HHIPL1: variants seen among roughly 807,000 people sequenced by gnomAD.
The protein encoded by HHIPL1 is HHIP like 1.
In HHIPL1, 43 loss-of-function variants were observed where a neutral mutation model predicts 61.8. The observed-to-expected ratio is 0.70, with a 90% CI of 0.55 to 0.90. The LOEUF is 0.90. Among genes scored for constraint, HHIPL1 ranks in the 40% least tolerant of loss-of-function variants. The pLI, the probability that HHIPL1 is intolerant of heterozygous loss-of-function variation, is 0.00. For missense variants in HHIPL1, 1,056 were observed against 1,157.7 expected (o/e 0.91, Z 1.28); for synonymous variants, 482 against 515.8 (o/e 0.93, Z 0.89).
Position 99,662,924 on chromosome 14 carries a change from C to T in HHIPL1, c.1551C>T (p.Tyr517=). The change falls in exon 6 of 9, where the codon TAC becomes TAT. Residue 517 remains tyrosine, a synonymous_variant. Transcript: ENST00000330710. The part of the protein sequence containing the change: ...QENPGTGQWQ[Y]SEICMGHGQT... ...ACCCAGGGACAGGCCAGTGGCAGTA[C>T]AGTGAGATCTGCATGGGCCACGGCC... 1 of 1,613,738 alleles carries T rather than the reference C, an allele frequency of 6.2e-7. No homozygotes were observed. Among genetic ancestry groups the T allele is most frequent in the Non-Finnish European group, 8.5e-7 (1 of 1,179,858 alleles).
rs535868126 is a variant in HHIPL1, at chr14:99,680,281, C to G, written c.*4655C>G. On this transcript the variant is annotated 3_prime_UTR_variant, in exon 9 of 9. Transcript: ENST00000330710. The stretch of plus-strand genomic sequence containing the variant: ...CCCAACAATTCCTGCTGGGAAACCA[C>G]TCCTCGTATGGTGTCATCTACACCA... 1 of 152,064 alleles carries G rather than the reference C, an allele frequency of 6.6e-6. No homozygotes were observed. Among genetic ancestry groups the G allele is most frequent in the East Asian group, 1.9e-4 (1 of 5,164 alleles). 9.4% of individuals were successfully genotyped at this position (152,064 alleles called of 1,614,324 possible).
At chr14:99,672,442 C>G in intron 8 of HHIPL1, 43 bp downstream of exon 8, 2 of 1,497,862 alleles carry the variant, frequency 1.3e-6, no homozygotes. Context: ...GGGGAGAGAT[C>G]CCGCAGCCCA....
Position 99,652,281 on chromosome 14 carries a change from C to T in HHIPL1, c.313C>T (p.Arg105Cys), listed in dbSNP as rs200203805. 3.2e-5 allele frequency: 52 copies of T among 1,613,788 alleles called. No homozygotes were observed. Among genetic ancestry groups the T allele is most frequent in the Non-Finnish European group, 4.0e-5 (47 of 1,180,002 alleles). The change falls in exon 2 of 9, where the codon CGC (arginine) becomes TGC (cysteine). Residue 105 changes from arginine to cysteine, a missense_variant. Transcript: ENST00000330710. ...YDAEDPFTPL[R>C]TVPGLCQDYC... is the part of the protein sequence containing the mutation. ...CGCCGAGGACCCATTCACGCCCCTG[C>T]GCACGGTGCCCGGGCTCTGCCAGGA...
the HHIPL1 span, among the ~76,000 whole-genome samples, chr14:99,639,810 C>A: frequency 7.7e-4 from 117 of 151,930 alleles, no homozygotes; most frequent in Non-Finnish European, 8.1e-4. Context: ...TACAGGCACG[C>A]GCTACCACGC....
the HHIPL1 span, among the ~76,000 whole-genome samples, chr14:99,608,718 A>G: frequency 3.3e-5 from 5 of 152,230 alleles, no homozygotes; most frequent in Non-Finnish European, 5.9e-5. Context: ...GGCACTTTCT[A>G]GGTACCCAGC....
At chr14:99,617,002 C>T in the HHIPL1 span, among the ~76,000 whole-genome samples, 1 of 152,116 alleles carries the variant, frequency 6.6e-6, no homozygotes, top group Non-Finnish European at 1.5e-5. Flanking sequence ...TGCGATCACC[C>T]AGGAAGGAGG....
chr14:99,663,092 C>G (rs1566814086), intron 6 of HHIPL1, 71 bp downstream of exon 6: 11 of 1,438,472 alleles, frequency 7.6e-6, no homozygotes, highest in Non-Finnish European at 1.0e-5. Context: ...TGTGGTCCTT[C>G]TGGTCTCTGA....
chr14:99,638,848 C>G, the HHIPL1 span, among the ~76,000 whole-genome samples: 1 of 152,206 alleles, frequency 6.6e-6, no homozygotes, highest in Non-Finnish European at 1.5e-5. Context: ...CTAGCTTTGT[C>G]TTTGTTGCCC....
intron 1 of HHIPL1, among the ~76,000 whole-genome samples, chr14:99,651,440 C>T (rs754347028): frequency 3.9e-5 from 6 of 152,106 alleles, no homozygotes; most frequent in Non-Finnish European, 8.8e-5. Flanking sequence ...TGTCTCATGA[C>T]GACAGCAGCA....
chr14:99,618,479 A>G, the HHIPL1 span, among the ~76,000 whole-genome samples: 1 of 148,118 alleles, frequency 6.8e-6, no homozygotes. Flanking sequence ...TCTTCGCCTC[A>G]TGGTTGCCAG....
At chr14:99,634,094 C>G in the HHIPL1 span, among the ~76,000 whole-genome samples, 1 of 152,224 alleles carries the variant, frequency 6.6e-6, no homozygotes, top group African/African-American at 2.4e-5. Flanking sequence ...CGCGAGCACT[C>G]ACAGTTGGCA....
At chr14:99,627,508 G>T in the HHIPL1 span, among the ~76,000 whole-genome samples, 1 of 152,210 alleles carries the variant, frequency 6.6e-6, no homozygotes, top group African/African-American at 2.4e-5. This position sits in a 1 kb window ranked among gnomAD's most constrained non-coding sequence, Gnocchi z 4.4. Flanking sequence ...GCCACATTCT[G>T]TGCCAGGTGC....
chr14:99,631,880 C>T, the HHIPL1 span, among the ~76,000 whole-genome samples: 21 of 152,338 alleles, frequency 1.4e-4, no homozygotes, highest in Admixed American at 1.2e-3. Context: ...CCAAAGTGCC[C>T]TGGAGCCCCT....
At chr14:99,643,459 C>T (rs2055779315), upstream of HHIPL1, among the ~76,000 whole-genome samples, 1 of 152,168 alleles carries the variant, frequency 6.6e-6, no homozygotes, top group South Asian at 2.1e-4. Flanking sequence ...ATTTATGTTA[C>T]TCTGGCTGGG....
intron 8 of HHIPL1, among the ~76,000 whole-genome samples, chr14:99,673,351 T>C (rs1313588429): frequency 2.6e-5 from 4 of 151,394 alleles, no homozygotes; most frequent in African/African-American, 9.7e-5. Context: ...ACTGGCTCCA[T>C]GCTGGATGCC....
chr14:99,659,408 C>G lies in HHIPL1; in HGVS notation c.1047-20C>G. The G allele has an allele frequency of 4.3e-6, 6 of 1,409,210 alleles. 1 individual carries two copies. The African/African-American group carries it at 7.5e-5, about 18-fold the overall frequency. The allele number at this position is 1,409,210 out of a possible 1,614,324, so 87.3% of individuals were successfully genotyped here. A position where few individuals can be genotyped will look rare whatever the true frequency, so the allele number is the denominator to read the frequency against. ...GCTCAGGGCGACCCCGAGCCGCGCC[C>G]TCTCCCACCCCGCCCGCAGGTCGGC... On this transcript the variant is annotated intron_variant, in intron 3 of 8. Coordinates refer to ENST00000330710, the MANE Select transcript of HHIPL1 (RefSeq NM_001127258.3).
At chr14:99,664,931 C>A in intron 6 of HHIPL1, among the ~76,000 whole-genome samples, 1 of 141,878 alleles carries the variant, frequency 7.0e-6, no homozygotes, top group African/African-American at 2.7e-5. Context: ...TTTTTTTTTC[C>A]AAGACTGAGC....
the HHIPL1 span, among the ~76,000 whole-genome samples, chr14:99,637,860 G>C: frequency 6.6e-6 from 1 of 152,126 alleles, no homozygotes; most frequent in African/African-American, 2.4e-5. Context: ...CCAATGCCCA[G>C]AGAGGTCAAG....
At chr14:99,614,203 G>A in the HHIPL1 span, among the ~76,000 whole-genome samples, 7,400 of 152,258 alleles carry the variant, frequency 0.049, 266 homozygotes, top group Middle Eastern at 0.092. Flanking sequence ...CAGGCCACAC[G>A]GTGAGGCGGG....
Sources: allele counts gnomAD v4.1 joint callset (sites outside exome capture counted in the v4.1 genomes callset), GRCh38; gene constraint gnomAD v4.1.1; non-coding constraint Gnocchi (gnomAD v3.1); transcripts MANE v1.5; gene names NCBI Gene and HGNC (gene_info 2026-07-23, HGNC 2026-07-21).